The following ZHX3 variants were observed in gnomAD, a reference collection of about 807,000 sequenced individuals.
The protein encoded by ZHX3 is zinc fingers and homeoboxes 3.
Under a neutral mutation model 64.5 loss-of-function variants are expected in ZHX3, and 20 were observed. The observed-to-expected ratio is 0.31, with a 90% confidence interval of 0.22 to 0.45. ZHX3 has a LOEUF of 0.45. Ranked by LOEUF, ZHX3 falls within the 20% of genes least tolerant of loss-of-function variation. The pLI is 1.00. For synonymous variants in ZHX3, 423 were observed against 461.6 expected, an observed-to-expected ratio of 0.92 and a Z score of 1.07; for missense variants, 1,041 against 1,195.8, an observed-to-expected ratio of 0.87 and a Z score of 1.91.
intron 1 of ZHX3, among the ~76,000 whole-genome samples, chr20:41,281,709 C>G (rs1029617450): frequency 6.6e-6 from 1 of 152,158 alleles, no homozygotes; most frequent in Non-Finnish European, 1.5e-5. Flanking sequence ...GAGGCGAGCA[C>G]AACATGAGGT....
chr20:41,308,394 T>C (rs758351084), intron 1 of ZHX3, among the ~76,000 whole-genome samples: 1 of 152,188 alleles, frequency 6.6e-6, no homozygotes, highest in Non-Finnish European at 1.5e-5. Flanking sequence ...GGTGCTGCTA[T>C]TCACCAGTTT....
chr20:41,205,793 C>T (rs925332501), intron 2 of ZHX3, among the ~76,000 whole-genome samples: 7 of 152,162 alleles, frequency 4.6e-5, no homozygotes, highest in African/African-American at 9.7e-5. Context: ...TTTCTGTGTA[C>T]GACCACTCAA....
rs1489825828 is a variant in ZHX3 at position 41,219,164 on chromosome 20, C to T, written c.-150-14098G>A. On this transcript the variant is annotated intron_variant, in intron 2 of 3. Coordinates refer to ENST00000683867, the MANE Select transcript of ZHX3 (RefSeq NM_001384317.1). The surrounding 1 kb of genome is among the most constrained non-coding windows in gnomAD (Gnocchi z 5.0). ...GAGCATGGTCTCGATCTCCTGACCT[C>T]GTGATCCACACGCCTCCGCCTCCCA... 1.3e-5 allele frequency among the ~76,000 whole-genome samples: 2 copies of T among 152,012 alleles called. No individual in the cohort carries two copies. The highest frequency in any genetic ancestry group is 2.4e-5 in the African/African-American group (1 of 41,372).
rs143020676 is a variant in ZHX3, at chr20:41,200,916, G to A, written c.2860+1141C>T. ...TTTAAAATATTCAGAGAAAGAAAAA[G>A]AATTTTGTCCTTTTTAAGACATCCT... is the stretch of plus-strand genomic sequence containing the variant. On this transcript the variant is annotated intron_variant, in intron 3 of 3. Transcript: ENST00000683867. This position sits in a 1 kb window ranked among gnomAD's most constrained non-coding sequence, Gnocchi z 4.2. Among the ~76,000 whole-genome samples the A allele has an allele frequency of 2.8e-3, 429 of 152,312 alleles. 3 individuals carry two copies. Among genetic ancestry groups the A allele is most frequent in the Non-Finnish European group, 4.4e-3 (301 of 68,008 alleles).
At chr20:41,242,588 G>A (rs1048170382) in intron 2 of ZHX3, among the ~76,000 whole-genome samples, 2 of 152,150 alleles carry the variant, frequency 1.3e-5, no homozygotes, top group Non-Finnish European at 2.9e-5. Context: ...CAATCTGTCT[G>A]CTGGCCTCTG....
chr20:41,256,324 T>C (rs2042250049), intron 2 of ZHX3, among the ~76,000 whole-genome samples: 1 of 151,894 alleles, frequency 6.6e-6, no homozygotes, highest in Non-Finnish European at 1.5e-5. Flanking sequence ...TGCTGAGAAA[T>C]ACCCACTGAC....
chr20:41,256,722 C>G (rs921972645), intron 2 of ZHX3, among the ~76,000 whole-genome samples: 8 of 151,250 alleles, frequency 5.3e-5, no homozygotes, highest in African/African-American at 1.9e-4. Context: ...CAGGTGTACT[C>G]AGAGTCCCAC....
rs1458007823 is a variant in ZHX3 at position 41,226,349 on chromosome 20, C to CT, written c.-150-21284dup. ...CCAGCCTGGGTGACAGGGCAATACTCTATTTCAAAAACAAAAGAATTTCCT... is the reference window on the plus strand; with the variant it reads ...CCAGCCTGGGTGACAGGGCAATACTCTTATTTCAAAAACAAAAGAATTTCCT... On this transcript the variant is annotated intron_variant, in intron 2 of 3. Transcript: ENST00000683867. This position sits in a 1 kb window ranked among gnomAD's most constrained non-coding sequence, Gnocchi z 4.4. 6.6e-6 allele frequency among the ~76,000 whole-genome samples: 1 copy of CT among 151,800 alleles called. No individual in the cohort carries two copies. Among genetic ancestry groups the CT allele is most frequent in the Middle Eastern group, 3.4e-3 (1 of 294 alleles).
chr20:41,273,188 T>C (rs984616222), intron 1 of ZHX3, among the ~76,000 whole-genome samples: 1 of 152,182 alleles, frequency 6.6e-6, no homozygotes, highest in Non-Finnish European at 1.5e-5. Flanking sequence ...CTTTACAAAA[T>C]GTCTATTCAA....
intron 1 of ZHX3, among the ~76,000 whole-genome samples, chr20:41,290,897 A>T (rs898084446): frequency 1.3e-5 from 2 of 152,176 alleles, no homozygotes; most frequent in Admixed American, 6.5e-5. Context: ...GGGCCTCCCA[A>T]CCTGGCTCCT....
At chr20:41,217,430 C>T (rs1600811466) in intron 2 of ZHX3, among the ~76,000 whole-genome samples, 1 of 151,852 alleles carries the variant, frequency 6.6e-6, no homozygotes, top group African/African-American at 2.4e-5. Flanking sequence ...ATTAAAAGCT[C>T]GAGACATATT....
chr20:41,198,787 TTTTC>T (rs2037975270), intron 3 of ZHX3, among the ~76,000 whole-genome samples: 1 of 152,138 alleles, frequency 6.6e-6, no homozygotes, highest in African/African-American at 2.4e-5. Flanking sequence ...TTTCTGTCCC[TTTTC>T]TTTTTCTGCG....
At chr20:41,251,664 A>G (rs1304457895) in intron 2 of ZHX3, among the ~76,000 whole-genome samples, 1 of 152,220 alleles carries the variant, frequency 6.6e-6, no homozygotes, top group Non-Finnish European at 1.5e-5. Flanking sequence ...GCTGTTCACA[A>G]AAACTCACTT....
chr20:41,229,775 G>T (rs1487871747), intron 2 of ZHX3, among the ~76,000 whole-genome samples: 1 of 151,982 alleles, frequency 6.6e-6, no homozygotes, highest in African/African-American at 2.4e-5. Context: ...TTTTTGTTGG[G>T]TTGTAGAAAT....
intron 1 of ZHX3, among the ~76,000 whole-genome samples, chr20:41,281,501 G>C (rs1413303887): frequency 6.6e-6 from 1 of 152,016 alleles, no homozygotes. Context: ...AAGAATTATT[G>C]AAAGAAAAAA....
rs1474352287 is a variant in ZHX3, at chr20:41,185,699, CAG to C, written c.2861-500_2861-499del. On this transcript the variant is annotated intron_variant, in intron 3 of 3. Coordinates refer to ENST00000683867, the MANE Select transcript of ZHX3 (RefSeq NM_001384317.1). The surrounding 1 kb of genome is among the most constrained non-coding windows in gnomAD (Gnocchi z 5.0). The stretch of plus-strand genomic sequence containing the variant: ...ATCAAAGTCAAAGTAAGGCTGATAT[CAG>C]AGAGGTTCATCATCTGTGATTCATA... 6.2e-6 allele frequency: 1 copy of C among 161,594 alleles called. No homozygotes were observed. Among genetic ancestry groups the C allele is most frequent in the African/African-American group, 2.4e-5 (1 of 41,754 alleles). The allele number at this position is 161,594 out of a possible 1,614,324, so 10.0% of individuals were successfully genotyped here.
rs1300386655 is a variant in ZHX3, at chr20:41,263,197, C to T, written c.-151+5793G>A. Among the ~76,000 whole-genome samples the T allele has an allele frequency of 5.9e-5, 9 of 152,034 alleles. No homozygotes were observed. The East Asian group carries it at 7.7e-4, about 13-fold the overall frequency. Reference sequence around the variant, plus strand: ...AAAGATAAGTTAAACAGACAAAATCCGACAACATTCTGTTTGCAAGATAGG... The same window carrying T: ...AAAGATAAGTTAAACAGACAAAATCTGACAACATTCTGTTTGCAAGATAGG... On this transcript the variant is annotated intron_variant, in intron 2 of 3. Transcript: ENST00000683867.
chr20:41,278,482 T>C (rs1056048724), intron 1 of ZHX3, among the ~76,000 whole-genome samples: 1 of 141,480 alleles, frequency 7.1e-6, no homozygotes, highest in Non-Finnish European at 1.6e-5. Context: ...CACATATTGG[T>C]ATTTTTTCTC....
intron 3 of ZHX3, among the ~76,000 whole-genome samples, chr20:41,187,205 C>A (rs760271990): frequency 4.0e-5 from 6 of 151,304 alleles, no homozygotes; most frequent in South Asian, 2.1e-4. Flanking sequence ...GGTGTGCACA[C>A]TTGTAATCCT....
Sources: allele counts gnomAD v4.1 joint callset (sites outside exome capture counted in the v4.1 genomes callset), GRCh38; gene constraint gnomAD v4.1.1; non-coding constraint Gnocchi (gnomAD v3.1); transcripts MANE v1.5; gene names NCBI Gene and HGNC (gene_info 2026-07-23, HGNC 2026-07-21).